The following TCF25 variants were observed in gnomAD, a reference collection of about 807,000 sequenced individuals.
The protein encoded by TCF25 is TCF25 ribosome quality control complex subunit, also known as ribosome quality control complex subunit TCF25.
A neutral mutation model predicts 83.1 loss-of-function variants in TCF25; 41 were observed. That is an observed-to-expected ratio of 0.49 (90% CI 0.38 to 0.64). The LOEUF (loss-of-function observed/expected upper bound fraction) is 0.64, where lower values mean the gene tolerates loss of function less well. TCF25 is among the 30% of genes least tolerant of loss of function. The probability of loss-of-function intolerance (pLI) is 0.00; values close to 1 mark genes in which losing one functional copy is unlikely to be tolerated. For synonymous variants in TCF25, 458 were observed against 365.0 expected (o/e 1.25, Z -2.90); for missense variants, 979 against 914.5 (o/e 1.07, Z -0.91).
chr16:89,874,807 TTTCGCC>T (rs2049769788), intron 1 of TCF25: 1 of 152,100 alleles, frequency 6.6e-6, no homozygotes, highest in Non-Finnish European at 1.5e-5. Flanking sequence ...AGAGAAGAGT[TTTCGCC>T]TTGTTGCCCA....
At chr16:89,906,077 A>T in intron 14 of TCF25, 117 bp from the exon 15 acceptor site, 1 of 879,684 alleles carries the variant, frequency 1.1e-6, no homozygotes, top group Non-Finnish European at 1.8e-6. Flanking sequence ...TTTTGCAGCC[A>T]CCAGAGATGC....
At chr16:89,873,938 G>A in intron 1 of TCF25, 79 bp downstream of exon 1, 1 of 1,436,066 alleles carries the variant, frequency 7.0e-7, no homozygotes, top group Non-Finnish European at 9.1e-7. Flanking sequence ...GCCGGGTCGG[G>A]GAGCGGGGTT....
rs1486991366 is a variant in TCF25 at position 89,895,113 on chromosome 16, C to G, written c.904C>G (p.Gln302Glu). The G allele has an allele frequency of 1.2e-6, 2 of 1,612,998 alleles. No homozygotes were observed. The highest frequency in any genetic ancestry group is 8.5e-7 in the Non-Finnish European group (1 of 1,179,648). Residue 302 changes from glutamine to glutamate, a missense_variant, in exon 8 of 18, where the codon CAG (glutamine) becomes GAG (glutamate). Coordinates refer to ENST00000263346, the MANE Select transcript of TCF25 (RefSeq NM_014972.3). Reference protein sequence around the residue: ...LSDACRFQEDQEMARDLVERA... With the variant: ...LSDACRFQEDEEMARDLVERA... ...CGATGCCTGCCGCTTTCAAGAGGAT[C>G]AGGAGATGGCTCGAGACCTCGTAGG...
chr16:89,897,269 GC>G (rs2043936773), intron 9 of TCF25, among the ~76,000 whole-genome samples: 1 of 152,224 alleles, frequency 6.6e-6, no homozygotes, highest in Non-Finnish European at 1.5e-5. Flanking sequence ...AGATACTTCT[GC>G]CCCTAAAGCC....
intron 7 of TCF25, 191 bp from the exon 8 acceptor site, chr16:89,894,847 G>C (rs2043725024): frequency 2.1e-6 from 1 of 471,530 alleles, no homozygotes; most frequent in Non-Finnish European, 3.9e-6. Context: ...GTTTTGCCAC[G>C]TTGGCCAGGC....
At chr16:89,908,179 G>C (rs1252376812) in intron 16 of TCF25, among the ~76,000 whole-genome samples, 3 of 89,482 alleles carry the variant, frequency 3.4e-5, no homozygotes, top group East Asian at 3.6e-4. Flanking sequence ...CCACCTTCCA[G>C]CTCCCGCCTC....
chr16:89,907,938 CAGCTCCCACCTCCCTCCTCCCGCCGCCT>C (rs2045069254), intron 16 of TCF25, among the ~76,000 whole-genome samples: 2 of 140,928 alleles, frequency 1.4e-5, no homozygotes, highest in Non-Finnish European at 3.1e-5. Flanking sequence ...TCCCAGTTCC[CAGCTCCCACCTCCCTCCTCCCGCCGCCT>C]AGCTCCCACC....
At chr16:89,903,971 G>T in intron 12 of TCF25, 147 bp from the exon 13 acceptor site, 2 of 774,472 alleles carry the variant, frequency 2.6e-6, no homozygotes, top group Non-Finnish European at 4.1e-6. Flanking sequence ...ATACCACCCG[G>T]AAGCAAGCCG....
intron 9 of TCF25, among the ~76,000 whole-genome samples, chr16:89,898,177 G>A (rs1386264435): frequency 1.3e-5 from 2 of 152,226 alleles, no homozygotes; most frequent in East Asian, 1.9e-4. Context: ...CTCTGTAAAG[G>A]ACAAGGAGAG....
chr16:89,880,251 A>AT (rs2042511443), intron 1 of TCF25, among the ~76,000 whole-genome samples: 1 of 152,088 alleles, frequency 6.6e-6, no homozygotes, highest in Non-Finnish European at 1.5e-5. Context: ...CAAAATAAGA[A>AT]TTTTTTTTCT....
intron 1 of TCF25, chr16:89,878,585 C>T (rs2042368296): frequency 3.4e-6 from 4 of 1,166,610 alleles, no homozygotes; most frequent in Non-Finnish European, 4.3e-6. Flanking sequence ...GTGAAATGTT[C>T]CCCATTTGAG....
intron 5 of TCF25, among the ~76,000 whole-genome samples, chr16:89,888,258 C>T (rs2043162783): frequency 6.6e-6 from 1 of 150,732 alleles, no homozygotes; most frequent in South Asian, 2.1e-4. Flanking sequence ...AGAGCGAGAC[C>T]GTGTCTCAAA....
chr16:89,873,760 C>T lies in TCF25; in HGVS notation c.93C>T (p.Asp31=). The change falls in exon 1 of 18, where the codon GAC becomes GAT. Residue 31 remains aspartate, a synonymous_variant. Transcript: ENST00000263346. The part of the protein sequence containing the change: ...PGALHFDLRD[D]DDAEEEGPKR... ...CCTTGCATTTCGATCTCCGTGATGA[C>T]GATGACGCGGAAGAAGAAGGGCCCA... 2 of 1,611,412 alleles carry T rather than the reference C, an allele frequency of 1.2e-6. No individual in the cohort carries two copies. The highest frequency in any genetic ancestry group is 2.2e-5 in the East Asian group (1 of 44,698).
intron 11 of TCF25, 24 bp from the exon 12 acceptor site, chr16:89,900,611 G>A (rs1567727409): frequency 3.2e-6 from 5 of 1,560,428 alleles, no homozygotes; most frequent in Non-Finnish European, 4.4e-6. Context: ...AAGGCTCCAC[G>A]CTCTGTTTCT....
intron 16 of TCF25, chr16:89,908,982 A>G (rs1421169326): frequency 1.6e-6 from 2 of 1,289,284 alleles, no homozygotes; most frequent in Non-Finnish European, 2.0e-6. Flanking sequence ...AGAGGAGGAG[A>G]GGAACAGTGT....
chr16:89,874,431 G>T (rs564767722), intron 1 of TCF25: 1 of 153,926 alleles, frequency 6.5e-6, no homozygotes, highest in Admixed American at 6.5e-5. Context: ...CTCGAGTCTA[G>T]AGGGGCCTTC....
At chr16:89,906,403 C>G in intron 15 of TCF25, 119 bp downstream of exon 15, 1 of 967,680 alleles carries the variant, frequency 1.0e-6, no homozygotes, top group Non-Finnish European at 1.6e-6. Flanking sequence ...AGCCCAGCCC[C>G]GCCACGGCAG....
chr16:89,891,053 T>C (rs1454892138), intron 5 of TCF25, among the ~76,000 whole-genome samples: 3 of 152,152 alleles, frequency 2.0e-5, no homozygotes, highest in African/African-American at 7.2e-5. Flanking sequence ...GACTTCCTAC[T>C]ACGACAGCCC....
At position 89,873,747 on chromosome 16, in the gene TCF25, A is replaced by G; in HGVS notation, c.80A>G (p.Asp27Gly). The change falls in exon 1 of 18, where the codon GAT (aspartate) becomes GGT (glycine). Residue 27 changes from aspartate to glycine, a missense_variant. Asp to Gly is a moderately conservative substitution (Grantham distance 94). Coordinates refer to ENST00000263346, the MANE Select transcript of TCF25 (RefSeq NM_014972.3). ...CTCGGGCCCGGCGCCTTGCATTTCG[A>G]TCTCCGTGATGACGATGACGCGGAA... ...EPLGPGALHF[D>G]LRDDDDAEEE... The G allele has an allele frequency of 9.9e-6, 16 of 1,611,130 alleles. No individual in the cohort carries two copies. Among genetic ancestry groups the G allele is most frequent in the Non-Finnish European group, 1.4e-5 (16 of 1,179,372 alleles).
Sources: allele counts gnomAD v4.1 joint callset (sites outside exome capture counted in the v4.1 genomes callset), GRCh38; gene constraint gnomAD v4.1.1; transcripts MANE v1.5; gene names NCBI Gene and HGNC (gene_info 2026-07-23, HGNC 2026-07-21).